MYO3A: variants seen among roughly 807,000 people sequenced by gnomAD.
MYO3A encodes the protein myosin-IIIa.
MYO3A carries 180 observed loss-of-function variants against 192.7 expected under a neutral mutation model. That is an observed-to-expected ratio of 0.93 (90% CI 0.83 to 1.06). The LOEUF is 1.06. Among genes scored for constraint, MYO3A ranks in the 50% least tolerant of loss-of-function variants. The pLI, the probability that MYO3A is intolerant of heterozygous loss-of-function variation, is 0.00. For synonymous variants in MYO3A, 628 were observed against 645.3 expected, an observed-to-expected ratio of 0.97 and a Z score of 0.41; for missense variants, 1,896 against 1,905.0, an observed-to-expected ratio of 1.00 and a Z score of 0.09.
rs759738466 is a variant in MYO3A at position 26,147,420 on chromosome 10, G to T, written c.2506-10G>T. 3.7e-6 allele frequency: 6 copies of T among 1,608,944 alleles called. No individual in the cohort carries two copies. In the Admixed American group the frequency reaches 8.3e-5, roughly 22 times the overall value. The stretch of plus-strand genomic sequence containing the variant: ...TTGATTGTGATAATTATAGCATACT[G>T]TATCAACAGGTCCTCTATAATGCAA... On this transcript the variant is annotated splice_polypyrimidine_tract_variant and intron_variant, in intron 22 of 34. Transcript: ENST00000642920.
At chr10:26,002,714 T>TCGGAATGAGTCAGGGTGGACCAGA (rs1840918992) in intron 6 of MYO3A, among the ~76,000 whole-genome samples, 2 of 151,804 alleles carry the variant, frequency 1.3e-5, no homozygotes, top group African/African-American at 2.4e-5. Flanking sequence ...GAGGAGGTAA[T>TCGGAATGAGTCAGGGTGGACCAGA]TGAAAAAGGT....
At chr10:26,155,223 G>A (rs1049095803) in intron 25 of MYO3A, among the ~76,000 whole-genome samples, 2 of 152,180 alleles carry the variant, frequency 1.3e-5, no homozygotes, top group Non-Finnish European at 2.9e-5. Flanking sequence ...ATATCACCCT[G>A]CCTGTACAGA....
rs771153959 is a variant in MYO3A, at chr10:26,166,260, A to C, written c.3111+82A>C. The C allele has an allele frequency of 3.3e-6, 4 of 1,210,508 alleles. No individual in the cohort carries two copies. In the South Asian group the frequency reaches 4.9e-5, roughly 15 times the overall value. 75.0% of individuals were successfully genotyped at this position (1,210,508 alleles called of 1,614,324 possible). A position where few individuals can be genotyped will look rare whatever the true frequency, so the allele number is the denominator to read the frequency against. On this transcript the variant is annotated intron_variant, in intron 27 of 34. Transcript: ENST00000642920. ...ATTGTAACATTTTACAATGTTTGAA[A>C]GTATGGTTTTTTTATGTTATAGAAT...
At position 26,145,473 on chromosome 10, in the gene MYO3A, A is replaced by T; in HGVS notation, c.2444A>T (p.Gln815Leu). The T allele has an allele frequency of 6.2e-7, 1 of 1,609,314 alleles. No homozygotes were observed. The highest frequency in any genetic ancestry group is 2.2e-5 in the East Asian group (1 of 44,806). The stretch of plus-strand genomic sequence containing the variant: ...AAATTTGAAGGTAACCTGAAATCAC[A>T]ATACTTCTGGAGACCCAAAAGAATG... ...VEKFEGNLKS[Q>L]YFWRPKRMEL... Residue 815 changes from glutamine (Q) to leucine (L), a missense_variant, in exon 22 of 35, where the codon CAA (glutamine) becomes CTA (leucine). Coordinates refer to ENST00000642920, the MANE Select transcript of MYO3A (RefSeq NM_017433.5).
chr10:26,160,379 A>G (rs1265295383), intron 26 of MYO3A, among the ~76,000 whole-genome samples: 1 of 152,242 alleles, frequency 6.6e-6, no homozygotes, highest in Non-Finnish European at 1.5e-5. Context: ...AAGGCTGATG[A>G]GAGAGGATAT....
intron 2 of MYO3A, among the ~76,000 whole-genome samples, chr10:25,948,220 G>T (rs561819097): frequency 3.0e-4 from 46 of 152,272 alleles, no homozygotes; most frequent in African/African-American, 1.1e-3. Context: ...CATGAAGCCA[G>T]TTTGGTTATT....
chr10:26,170,997 T>A (rs1842020067), intron 29 of MYO3A, among the ~76,000 whole-genome samples: 1 of 152,212 alleles, frequency 6.6e-6, no homozygotes, highest in African/African-American at 2.4e-5. Context: ...TTCAGCAGGC[T>A]TTATGCTGGG....
At chr10:26,023,909 T>A in intron 8 of MYO3A, 113 bp from the exon 9 acceptor site, 1 of 918,706 alleles carries the variant, frequency 1.1e-6, no homozygotes, top group Non-Finnish European at 1.8e-6. Flanking sequence ...AAAGATGGAA[T>A]CCTTGATTAC....
intron 17 of MYO3A, among the ~76,000 whole-genome samples, chr10:26,108,925 G>A (rs1424997143): frequency 6.6e-6 from 1 of 152,140 alleles, no homozygotes; most frequent in Non-Finnish European, 1.5e-5. Flanking sequence ...TACAAGGGAG[G>A]TTTAGGTAAA....
chr10:26,006,350 A>T (rs1243259477), intron 6 of MYO3A, among the ~76,000 whole-genome samples: 1 of 152,248 alleles, frequency 6.6e-6, no homozygotes, highest in African/African-American at 2.4e-5. Flanking sequence ...CACATTCAAA[A>T]GCTAGCAGAA....
intron 6 of MYO3A, among the ~76,000 whole-genome samples, chr10:26,016,522 A>T (rs1271793282): frequency 6.6e-6 from 1 of 152,188 alleles, no homozygotes; most frequent in Non-Finnish European, 1.5e-5. Flanking sequence ...AGAAGATAGA[A>T]AGAAATAGGG....
intron 11 of MYO3A, 101 bp from the exon 12 acceptor site, chr10:26,068,667 C>A (rs904643266): frequency 2.7e-6 from 2 of 747,330 alleles, no homozygotes; most frequent in Non-Finnish European, 4.5e-6. Context: ...TCTAATCCTT[C>A]GTCCAGATTC....
At chr10:26,128,257 A>T in intron 19 of MYO3A, 134 bp from the exon 20 acceptor site, 2 of 855,394 alleles carry the variant, frequency 2.3e-6, no homozygotes, top group Non-Finnish European at 3.8e-6. Flanking sequence ...TATTTCAGTT[A>T]AGAAAGTTTC....
intron 4 of MYO3A, among the ~76,000 whole-genome samples, chr10:25,977,816 C>A (rs1453549224): frequency 6.6e-6 from 1 of 152,078 alleles, no homozygotes; most frequent in African/African-American, 2.4e-5. Flanking sequence ...AAAGGCATTT[C>A]TCCTTTCTCT....
intron 27 of MYO3A, among the ~76,000 whole-genome samples, 172 bp from the exon 28 acceptor site, chr10:26,168,540 C>T (rs1488532697): frequency 6.6e-6 from 1 of 152,154 alleles, no homozygotes; most frequent in Non-Finnish European, 1.5e-5. Flanking sequence ...GAAATGTTTT[C>T]TTCAAGCATA....
At chr10:26,069,141 T>C (rs1835037838) in intron 12 of MYO3A, among the ~76,000 whole-genome samples, 1 of 152,084 alleles carries the variant, frequency 6.6e-6, no homozygotes, top group Non-Finnish European at 1.5e-5. Context: ...ACATTAAATA[T>C]TGTATCACTA....
chr10:26,053,618 G>A (rs1340749265), intron 10 of MYO3A, among the ~76,000 whole-genome samples: 7 of 152,192 alleles, frequency 4.6e-5, no homozygotes, highest in South Asian at 4.1e-4. Flanking sequence ...GAGGTCAGGA[G>A]TTCGAGACCA....
chr10:26,181,506 C>T (rs1316027703), intron 31 of MYO3A, among the ~76,000 whole-genome samples: 1 of 151,662 alleles, frequency 6.6e-6, no homozygotes, highest in Non-Finnish European at 1.5e-5. Flanking sequence ...ATAAATCATT[C>T]GGAAAAATAG....
At chr10:26,143,152 G>A (rs1353227026) in intron 20 of MYO3A, among the ~76,000 whole-genome samples, 1 of 152,048 alleles carries the variant, frequency 6.6e-6, no homozygotes, top group Non-Finnish European at 1.5e-5. Context: ...CCAACATGGT[G>A]AAACCCCATC....
Sources: allele counts gnomAD v4.1 joint callset (sites outside exome capture counted in the v4.1 genomes callset), GRCh38; gene constraint gnomAD v4.1.1; transcripts MANE v1.5; gene names NCBI Gene and HGNC (gene_info 2026-07-23, HGNC 2026-07-21).